The following GPR149 variants were observed in gnomAD, a reference collection of about 807,000 sequenced individuals.
GPR149 encodes G protein-coupled receptor 149.
GPR149 carries 50 observed loss-of-function variants against 50.2 expected under a neutral mutation model. The ratio of observed to expected loss-of-function variants is 1.00; its 90% CI spans 0.79 to 1.26. GPR149 has a LOEUF of 1.26. Ranked by LOEUF, GPR149 falls within the 50% of genes most tolerant of loss-of-function variation. The probability of loss-of-function intolerance (pLI) is 0.00; values close to 1 mark genes in which losing one functional copy is unlikely to be tolerated. For missense variants in GPR149, 983 were observed against 895.4 expected, an observed-to-expected ratio of 1.10 and a Z score of -1.25; for synonymous variants, 405 against 358.2, an observed-to-expected ratio of 1.13 and a Z score of -1.48.
chr3:154,420,678 C>A lies in GPR149; in HGVS notation c.1623+361G>T, dbSNP rs572655353. On this transcript the variant is annotated intron_variant, in intron 3 of 3. Coordinates refer to ENST00000389740, the MANE Select transcript of GPR149 (RefSeq NM_001038705.3). ...ACTTCCCTTGGAGACTTAAGGTATACCTTTGGAATGGAGGAGGGAAAAATA... is the reference window on the plus strand; with the variant it reads ...ACTTCCCTTGGAGACTTAAGGTATAACTTTGGAATGGAGGAGGGAAAAATA... 9.9e-5 allele frequency among the ~76,000 whole-genome samples: 15 copies of A among 151,812 alleles called. No individual in the cohort carries two copies. In the East Asian group the frequency reaches 2.9e-3, roughly 29 times the overall value.
chr3:154,346,865 A>G (rs928271802), intron 3 of GPR149, among the ~76,000 whole-genome samples: 1 of 152,104 alleles, frequency 6.6e-6, no homozygotes, highest in Non-Finnish European at 1.5e-5. Context: ...CCACAGTGCT[A>G]GGATTAAAGG....
intron 2 of GPR149, among the ~76,000 whole-genome samples, chr3:154,426,077 A>G (rs1559992546): frequency 1.3e-5 from 2 of 152,146 alleles, no homozygotes; most frequent in African/African-American, 2.4e-5. Flanking sequence ...AGGTTTGTGA[A>G]TTGTTTCCTT....
chr3:154,376,451 A>T (rs991077854), intron 3 of GPR149, among the ~76,000 whole-genome samples: 11 of 152,236 alleles, frequency 7.2e-5, no homozygotes, highest in African/African-American at 4.8e-5. Context: ...AATATGTATA[A>T]AGAGATTAGT....
chr3:154,395,413 C>A (rs1230320009), intron 3 of GPR149, among the ~76,000 whole-genome samples: 1 of 145,774 alleles, frequency 6.9e-6, no homozygotes, highest in Non-Finnish European at 1.5e-5. Flanking sequence ...AAATATGATT[C>A]TAAAAACACA....
intron 3 of GPR149, among the ~76,000 whole-genome samples, chr3:154,346,419 T>C (rs1713927028): frequency 6.6e-6 from 1 of 152,170 alleles, no homozygotes; most frequent in Non-Finnish European, 1.5e-5. Context: ...TTTAAATGTT[T>C]GATGAACACA....
In GPR149 at chr3:154,421,321, G is replaced by C. The variant is rs1712137548; in HGVS notation, c.1341C>G (p.Asn447Lys). Residue 447 changes from asparagine (N) to lysine (K), a missense_variant, in exon 3 of 4, where the codon AAC (asparagine) becomes AAG (lysine). Coordinates refer to ENST00000389740, the MANE Select transcript of GPR149 (RefSeq NM_001038705.3). ...TTKDPQRDNR[N>K]IFNAIKVEIS... ...TTTCTACTTTTATAGCATTGAAGAT[G>C]TTACGGTTGTCTCTCTGAGGGTCTT... 1.9e-6 allele frequency: 3 copies of C among 1,613,178 alleles called. No individual in the cohort carries two copies. The African/African-American group carries it at 4.0e-5, about 22-fold the overall frequency.
intron 3 of GPR149, among the ~76,000 whole-genome samples, chr3:154,393,492 T>C (rs1017269586): frequency 1.3e-4 from 20 of 152,024 alleles, no homozygotes; most frequent in African/African-American, 4.8e-4. Context: ...GAAGAGCTTT[T>C]AAAAGTGTTT....
At chr3:154,421,756 C>T (rs936670445) in intron 2 of GPR149, among the ~76,000 whole-genome samples, 1 of 151,836 alleles carries the variant, frequency 6.6e-6, no homozygotes, top group African/African-American at 2.4e-5. Context: ...AGAAGCCTTA[C>T]ATAACAAAAA....
In GPR149 at chr3:154,393,058, T is replaced by C. The variant is rs146290718; in HGVS notation, c.1623+27981A>G. Among the ~76,000 whole-genome samples, 1,421 of 152,090 alleles carry C rather than the reference T, an allele frequency of 9.3e-3. 12 individuals carry two copies. Among genetic ancestry groups the C allele is most frequent in the African/African-American group, 0.033 (1,353 of 41,558 alleles). On this transcript the variant is annotated intron_variant, in intron 3 of 3. Coordinates refer to ENST00000389740, the MANE Select transcript of GPR149 (RefSeq NM_001038705.3). The stretch of plus-strand genomic sequence containing the variant: ...ATCTCCTCTAAAGAATTGAGGAAGA[T>C]GGAACACTTTCAATCTGATTTTATG...
intron 3 of GPR149, among the ~76,000 whole-genome samples, chr3:154,370,207 A>T (rs1038593295): frequency 1.3e-5 from 2 of 152,222 alleles, no homozygotes; most frequent in Non-Finnish European, 2.9e-5. Flanking sequence ...GGATAAATTT[A>T]TCACCCAATC....
At position 154,428,663 on chromosome 3, in the gene GPR149, G is replaced by A. The variant is rs1712376754; in HGVS notation, c.953C>T (p.Thr318Ile). 1 of 1,611,990 alleles carries A rather than the reference G, an allele frequency of 6.2e-7. No homozygotes were observed. The highest frequency in any genetic ancestry group is 1.1e-5 in the South Asian group (1 of 90,750). The change falls in exon 1 of 4, where the codon ACA becomes ATA. Residue 318 changes from threonine (T) to isoleucine (I), a missense_variant. Physicochemically the swap from Thr to Ile is moderately conservative, Grantham distance 89. Coordinates refer to ENST00000389740, the MANE Select transcript of GPR149 (RefSeq NM_001038705.3). The part of the protein sequence containing the change: ...QKRFALILAL[T>I]KVVLWLPMMM... ...CATGGGCAGCCAAAGGACGACTTTT[G>A]TAAGCGCTAGGATCAAAGCGAAGCG...
At chr3:154,354,247 G>C (rs755108070) in intron 3 of GPR149, 7 of 459,020 alleles carry the variant, frequency 1.5e-5, no homozygotes, top group Non-Finnish European at 2.9e-5. Flanking sequence ...TGTCACTCCA[G>C]CACTGTGTAA....
At position 154,336,657 on chromosome 3, in the gene GPR149, T is replaced by C. The variant is rs957269726; in HGVS notation, c.*1042A>G. The C allele has an allele frequency of 3.9e-5, 6 of 152,166 alleles. No homozygotes were observed. Among genetic ancestry groups the C allele is most frequent in the African/African-American group, 1.4e-4 (6 of 41,464 alleles). The allele number at this position is 152,166 out of a possible 1,614,324, so 9.4% of individuals were successfully genotyped here. On this transcript the variant is annotated 3_prime_UTR_variant, in exon 4 of 4. Coordinates refer to ENST00000389740, the MANE Select transcript of GPR149 (RefSeq NM_001038705.3). ...AATCACTTAATAAAATAGGTTCAAC[T>C]GTTTCTTTGAGACAACACGTCTTTA...
intron 3 of GPR149, among the ~76,000 whole-genome samples, chr3:154,363,905 T>A (rs1284954999): frequency 2.6e-5 from 4 of 152,210 alleles, no homozygotes; most frequent in Non-Finnish European, 5.9e-5. Flanking sequence ...AATTCTACTC[T>A]GCCTTACTCA....
At position 154,398,380 on chromosome 3, in the gene GPR149, A is replaced by T. The variant is rs527270547; in HGVS notation, c.1623+22659T>A. Among the ~76,000 whole-genome samples the T allele has an allele frequency of 1.4e-4, 22 of 152,324 alleles. No individual in the cohort carries two copies. In the South Asian group the frequency reaches 4.1e-3, roughly 29 times the overall value. ...TATCTTGACTTTCTGAAACAAAAAA[A>T]GTTTCACTGGAGAAGAAAGTTGCTT... On this transcript the variant is annotated intron_variant, in intron 3 of 3. Transcript: ENST00000389740.
intron 3 of GPR149, chr3:154,354,571 T>G (rs1490871223): frequency 1.3e-5 from 2 of 159,892 alleles, no homozygotes; most frequent in African/African-American, 4.9e-5. Flanking sequence ...TTCCTTTTCC[T>G]TTTTTTTTTG....
intron 3 of GPR149, among the ~76,000 whole-genome samples, chr3:154,344,440 T>G (rs1020036421): frequency 6.6e-6 from 1 of 152,192 alleles, no homozygotes; most frequent in Admixed American, 6.5e-5. Flanking sequence ...CTGTTAATAT[T>G]GGTTTAATTT....
At position 154,366,576 on chromosome 3, in the gene GPR149, C is replaced by T. The variant is rs75810163; in HGVS notation, c.1624-28305G>A. 3.1e-4 allele frequency among the ~76,000 whole-genome samples: 47 copies of T among 152,336 alleles called. 1 individual carries two copies. In the East Asian group the frequency reaches 8.3e-3, roughly 27 times the overall value. On this transcript the variant is annotated intron_variant, in intron 3 of 3. Coordinates refer to ENST00000389740, the MANE Select transcript of GPR149 (RefSeq NM_001038705.3). ...ATGGCTGTTACCTATAAAGCTTCAT[C>T]TGTCTTTGGTCTCCACAACTCCCCT...
chr3:154,423,256 C>G (rs1712196577), intron 2 of GPR149, among the ~76,000 whole-genome samples: 1 of 151,756 alleles, frequency 6.6e-6, no homozygotes, highest in African/African-American at 2.4e-5. Flanking sequence ...ACACAACAAC[C>G]CTACATAATA....
Sources: allele counts gnomAD v4.1 joint callset (sites outside exome capture counted in the v4.1 genomes callset), GRCh38; gene constraint gnomAD v4.1.1; transcripts MANE v1.5; gene names NCBI Gene and HGNC (gene_info 2026-07-23, HGNC 2026-07-21).